Variants in EPB41L2 observed in about 807,000 individuals in gnomAD.
EPB41L2 encodes the protein band 4.1-like protein 2.
Under a neutral mutation model 113.0 loss-of-function variants are expected in EPB41L2, and 43 were observed. The observed-to-expected ratio is 0.38, with a 90% CI of 0.30 to 0.49. EPB41L2 has a LOEUF of 0.49. Ranked by LOEUF, EPB41L2 falls within the 20% of genes least tolerant of loss-of-function variation. The pLI, the probability that EPB41L2 is intolerant of heterozygous loss-of-function variation, is 0.95. For synonymous variants in EPB41L2, 442 were observed against 436.7 expected (o/e 1.01, Z -0.15); for missense variants, 1,147 against 1,223.4 (o/e 0.94, Z 0.93).
intron 1 of EPB41L2, among the ~76,000 whole-genome samples, chr6:131,025,734 C>G (rs1269370284): frequency 6.6e-6 from 1 of 152,156 alleles, no homozygotes; most frequent in Non-Finnish European, 1.5e-5. Flanking sequence ...AGCAAACTCT[C>G]TACTCCAAAC....
rs191705197 is a variant in EPB41L2 at position 130,861,876 on chromosome 6, A to C, written c.2910+1762T>G. On this transcript the variant is annotated intron_variant, in intron 18 of 19. Transcript: ENST00000337057. ...ACCAGAGGGAGACTCCATCTCCCCA[A>C]AAAAAAAAAAAAAGTTTATGCTATC... is the stretch of plus-strand genomic sequence containing the variant. 0.02 allele frequency among the ~76,000 whole-genome samples: 2,999 copies of C among 149,360 alleles called. 204 individuals are homozygous for C. In the East Asian group the frequency reaches 0.26, roughly 13 times the overall value.
chr6:130,858,337 A>G, intron 18 of EPB41L2, 94 bp from the exon 19 acceptor site: 1 of 921,350 alleles, frequency 1.1e-6, no homozygotes, highest in Non-Finnish European at 1.6e-6. Flanking sequence ...CTCGGACCCA[A>G]CCTCAAGCCA....
chr6:131,002,261 T>G (rs1160541843), intron 1 of EPB41L2, among the ~76,000 whole-genome samples: 1 of 152,046 alleles, frequency 6.6e-6, no homozygotes, highest in Non-Finnish European at 1.5e-5. Context: ...CCAAATGCAC[T>G]CAGAACGTTT....
At chr6:131,048,142 AAAAAAAAAAAAAAAAG>A (rs1424874107) in intron 1 of EPB41L2, among the ~76,000 whole-genome samples, 3 of 102,646 alleles carry the variant, frequency 2.9e-5, no homozygotes, top group Non-Finnish European at 6.8e-5. Flanking sequence ...CTGTCTCAAA[AAAAAAAAAAAAAAAAG>A]AAAAAAAGAA....
At chr6:130,941,121 A>G (rs1810731717) in intron 3 of EPB41L2, among the ~76,000 whole-genome samples, 1 of 152,232 alleles carries the variant, frequency 6.6e-6, no homozygotes, top group East Asian at 1.9e-4. Context: ...ATTTAAATAA[A>G]TACTATTTTG....
intron 1 of EPB41L2, among the ~76,000 whole-genome samples, chr6:131,032,449 G>A (rs1792373245): frequency 6.6e-6 from 1 of 152,014 alleles, no homozygotes; most frequent in Admixed American, 6.6e-5. Context: ...GTGGGCCAAA[G>A]TAAAAAATAA....
intron 1 of EPB41L2, among the ~76,000 whole-genome samples, chr6:131,014,886 T>C (rs944932937): frequency 6.6e-6 from 1 of 152,152 alleles, no homozygotes; most frequent in Admixed American, 6.5e-5. Context: ...ATCCTATAGA[T>C]TACACAGGGA....
At chr6:131,048,801 T>C (rs1795985695) in intron 1 of EPB41L2, among the ~76,000 whole-genome samples, 1 of 152,196 alleles carries the variant, frequency 6.6e-6, no homozygotes. Context: ...TTTCTGTAAC[T>C]GATAATGGTA....
At chr6:130,932,579 G>GTA (rs1583591484) in intron 3 of EPB41L2, among the ~76,000 whole-genome samples, 1 of 152,218 alleles carries the variant, frequency 6.6e-6, no homozygotes, top group Admixed American at 6.5e-5. Context: ...ACCTCTACTT[G>GTA]TATACAAATC....
At chr6:130,876,483 G>A (rs1306087100) in intron 14 of EPB41L2, among the ~76,000 whole-genome samples, 1 of 152,130 alleles carries the variant, frequency 6.6e-6, no homozygotes, top group African/African-American at 2.4e-5. Flanking sequence ...AAGTGCTTCT[G>A]CAATATGGTA....
At chr6:130,944,885 T>A (rs1425551578) in intron 3 of EPB41L2, among the ~76,000 whole-genome samples, 2 of 152,178 alleles carry the variant, frequency 1.3e-5, no homozygotes, top group Admixed American at 1.3e-4. Context: ...TGCTGTGAGC[T>A]CCTTGTGTTC....
chr6:130,909,231 T>A (rs1002882511), intron 4 of EPB41L2, among the ~76,000 whole-genome samples: 1 of 152,206 alleles, frequency 6.6e-6, no homozygotes, highest in Admixed American at 6.5e-5. Flanking sequence ...AGGACAATAA[T>A]GGATTCCTAG....
At chr6:130,908,416 T>C (rs928066828) in intron 5 of EPB41L2, among the ~76,000 whole-genome samples, 14 of 152,186 alleles carry the variant, frequency 9.2e-5, no homozygotes, top group African/African-American at 3.4e-4. Flanking sequence ...GAACAGTGTC[T>C]CTATGTCTCT....
Position 130,870,080 on chromosome 6 carries a change from T to C in EPB41L2, c.2090A>G (p.Glu697Gly). The C allele has an allele frequency of 6.2e-7, 1 of 1,613,850 alleles. No individual in the cohort carries two copies. Among genetic ancestry groups the C allele is most frequent in the Non-Finnish European group, 8.5e-7 (1 of 1,179,876 alleles). Residue 697 changes from glutamate (E) to glycine (G), a missense_variant, in exon 15 of 20, where the codon GAG (glutamate) becomes GGG (glycine). Physicochemically the swap from Glu to Gly is moderately conservative, Grantham distance 98. Coordinates refer to ENST00000337057, the MANE Select transcript of EPB41L2 (RefSeq NM_001431.4). ...LNIVEEKKRA[E>G]VGKDERVITE... The stretch of plus-strand genomic sequence containing the variant: ...GATTACTCTTTCGTCTTTCCCAACC[T>C]CTGCCCGCTTCTTCTCCTCCACTAT...
In EPB41L2 at chr6:130,870,058, T is replaced by A; in HGVS notation, c.2112A>T (p.Val704=). 1 of 1,614,082 alleles carries A rather than the reference T, an allele frequency of 6.2e-7. No individual in the cohort carries two copies. Among genetic ancestry groups the A allele is most frequent in the Non-Finnish European group, 8.5e-7 (1 of 1,180,022 alleles). Residue 704 remains valine (V), a synonymous_variant, in exon 15 of 20, where the codon GTA becomes GTT. Transcript: ENST00000337057. The part of the protein sequence containing the change: ...KRAEVGKDER[V]ITEEMNGKEI... ...CTTTACCATTCATTTCTTCTGTGAT[T>A]ACTCTTTCGTCTTTCCCAACCTCTG...
intron 1 of EPB41L2, among the ~76,000 whole-genome samples, chr6:131,039,593 C>T (rs968361270): frequency 3.9e-5 from 6 of 152,146 alleles, no homozygotes; most frequent in African/African-American, 1.2e-4. Context: ...AATGTAAATG[C>T]TTTCTGTGCC....
intron 1 of EPB41L2, among the ~76,000 whole-genome samples, chr6:131,018,030 T>C (rs1188610330): frequency 6.6e-6 from 1 of 152,214 alleles, no homozygotes; most frequent in African/African-American, 2.4e-5. Context: ...TTGTAGCATA[T>C]AGGCTATTTT....
chr6:131,009,101 C>T lies in EPB41L2; in HGVS notation c.-14-52602G>A, dbSNP rs537260243. On this transcript the variant is annotated intron_variant, in intron 1 of 19. Coordinates refer to ENST00000337057, the MANE Select transcript of EPB41L2 (RefSeq NM_001431.4). ...ATGGTTTGCCTCTGTGTCCCCACTC[C>T]AATCTCACCTTGAATTGTAATAATC... is the stretch of plus-strand genomic sequence containing the variant. Among the ~76,000 whole-genome samples the T allele has an allele frequency of 1.6e-3, 242 of 152,292 alleles. 1 individual carries two copies. The highest frequency in any genetic ancestry group is 3.1e-3 in the Non-Finnish European group (208 of 68,014).
At chr6:130,895,227 T>C in intron 8 of EPB41L2, 108 bp from the exon 9 acceptor site, 1 of 1,312,860 alleles carries the variant, frequency 7.6e-7, no homozygotes, top group Middle Eastern at 1.9e-4. Flanking sequence ...GTTTAACAGG[T>C]TTGTATTTAA....
Sources: gnomAD v4.1 joint callset for allele counts (sites outside exome capture counted in the v4.1 genomes callset) on GRCh38, gnomAD v4.1.1 for gene constraint, MANE v1.5 for transcripts, NCBI Gene and HGNC (gene_info 2026-07-23, HGNC 2026-07-21) for gene names.